FOXP4: variants seen among roughly 807,000 people sequenced by gnomAD.
FOXP4 encodes the protein forkhead box protein P4.
FOXP4 carries 25 observed loss-of-function variants against 82.6 expected under a neutral mutation model. That is an observed-to-expected ratio of 0.30 (90% confidence interval 0.22 to 0.42). FOXP4 has a LOEUF of 0.42. Among genes scored for constraint, FOXP4 ranks in the 10% least tolerant of loss-of-function variants. The pLI is 1.00. For synonymous variants in FOXP4, 415 were observed against 388.2 expected (o/e 1.07, Z -0.81); for missense variants, 785 against 900.9 (o/e 0.87, Z 1.65).
Position 41,587,483 on chromosome 6 carries a change from GC to G in FOXP4, c.845del (p.Pro282LeufsTer85). 1 of 1,531,332 alleles carries G rather than the reference GC, an allele frequency of 6.5e-7. No individual in the cohort carries two copies. Among genetic ancestry groups the G allele is most frequent in the Non-Finnish European group, 8.8e-7 (1 of 1,139,556 alleles). 94.9% of individuals were successfully genotyped at this position (1,531,332 alleles called of 1,614,324 possible). A position where few individuals can be genotyped will look rare whatever the true frequency, so the allele number is the denominator to read the frequency against. On this transcript the variant is annotated frameshift_variant, in exon 7 of 17. Coordinates refer to ENST00000307972, the MANE Select transcript of FOXP4 (RefSeq NM_001012426.2). LOFTEE classifies it high-confidence loss of function. ...CCCACCATACCCTGCCCAACGGACA[GC>G]CTACTGTGCTCACATCTCGGAGAGA... ...LSHHTLPNGQ[P>X]TVLTSRRDSS...
chr6:41,589,875 C>T lies in FOXP4; in HGVS notation c.1149+21C>T, dbSNP rs370391997. ...AGCCAGTGAGTGCTGCTCCCCTCCC[C>T]GCCCCTCCCAGAGCCTTCCACAGAC... On this transcript the variant is annotated intron_variant, in intron 10 of 16. Transcript: ENST00000307972. 6.0e-5 allele frequency: 96 copies of T among 1,610,856 alleles called. 1 individual carries two copies. Among genetic ancestry groups the T allele is most frequent in the Middle Eastern group, 1.7e-4 (1 of 6,056 alleles).
At chr6:41,582,709 C>G (rs1765868907) in intron 3 of FOXP4, among the ~76,000 whole-genome samples, 1 of 137,716 alleles carries the variant, frequency 7.3e-6, no homozygotes. Context: ...ATGCCGTTGT[C>G]TGCCTCCAAC....
rs536114378 is a variant in FOXP4, at chr6:41,593,554, C to T, written c.1537-1316C>T. Among the ~76,000 whole-genome samples the T allele has an allele frequency of 8.5e-5, 13 of 152,318 alleles. No homozygotes were observed. Among genetic ancestry groups the T allele is most frequent in the African/African-American group, 2.4e-4 (10 of 41,568 alleles). On this transcript the variant is annotated intron_variant, in intron 13 of 16. Transcript: ENST00000307972. The surrounding 1 kb of genome is among the most constrained non-coding windows in gnomAD (Gnocchi z 4.1). The stretch of plus-strand genomic sequence containing the variant: ...GCTTCGAAATGAGGGAAAAAAGCCC[C>T]GGTGAGGCCATCCTCGGAAATTGGG...
At chr6:41,589,661 T>G in intron 9 of FOXP4, 110 bp from the exon 10 acceptor site, 2 of 1,100,926 alleles carry the variant, frequency 1.8e-6, no homozygotes, top group African/African-American at 1.5e-5. Flanking sequence ...AGGAGGCGAA[T>G]GGGGGTGGGA....
chr6:41,583,619 T>C (rs753051791), intron 3 of FOXP4, among the ~76,000 whole-genome samples: 4 of 152,072 alleles, frequency 2.6e-5, no homozygotes, highest in Admixed American at 2.0e-4. Context: ...TGCCACAACT[T>C]GGGAGTGAGA....
At chr6:41,561,622 G>A (rs994197946) in intron 1 of FOXP4, among the ~76,000 whole-genome samples, 1 of 152,024 alleles carries the variant, frequency 6.6e-6, no homozygotes, top group African/African-American at 2.4e-5. Flanking sequence ...AAGAAAGGAG[G>A]ACCTCTTGGA....
chr6:41,587,566 G>C, intron 7 of FOXP4, 54 bp downstream of exon 7: 1 of 1,396,064 alleles, frequency 7.2e-7, no homozygotes, highest in Non-Finnish European at 9.8e-7. Context: ...GGGTAGACCT[G>C]GCCCCCCACC....
chr6:41,585,658 T>G (rs947886089), intron 5 of FOXP4, 141 bp downstream of exon 5: 7 of 713,140 alleles, frequency 9.8e-6, no homozygotes, highest in Non-Finnish European at 1.4e-5. Context: ...AGGATCAGTG[T>G]GGGGGAAATG....
Position 41,599,897 on chromosome 6 carries a change from C to G in FOXP4, c.*961C>G, listed in dbSNP as rs1404556223. 1.3e-5 allele frequency: 2 copies of G among 152,602 alleles called. No homozygotes were observed. The highest frequency in any genetic ancestry group is 4.8e-5 in the African/African-American group (2 of 41,418). The allele number at this position is 152,602 out of a possible 1,614,324, so 9.5% of individuals were successfully genotyped here. ...AGCTCCCCTTCCTTGCCCGCCTCTC[C>G]CCCCGCCGCCCCACCAGTTAAACGG... On this transcript the variant is annotated 3_prime_UTR_variant, in exon 17 of 17. Coordinates refer to ENST00000307972, the MANE Select transcript of FOXP4 (RefSeq NM_001012426.2).
At chr6:41,588,577 G>C in intron 8 of FOXP4, 67 bp from the exon 9 acceptor site, 1 of 1,473,952 alleles carries the variant, frequency 6.8e-7, no homozygotes, top group Non-Finnish European at 9.5e-7. Flanking sequence ...TTAGAGGATA[G>C]GATGGGAGGA....
At chr6:41,555,934 CTCTT>C (rs1764250432) in intron 1 of FOXP4, among the ~76,000 whole-genome samples, 1 of 152,088 alleles carries the variant, frequency 6.6e-6, no homozygotes, top group Admixed American at 6.5e-5. Flanking sequence ...ATCTTTGGTT[CTCTT>C]TCTTTTTTTC....
intron 3 of FOXP4, 32 bp downstream of exon 3, chr6:41,578,113 TTGGG>T: frequency 6.3e-7 from 1 of 1,592,036 alleles, no homozygotes; most frequent in Non-Finnish European, 8.6e-7. Flanking sequence ...TGGCTCTGGG[TTGGG>T]CTGGAGTGTG....
intron 2 of FOXP4, among the ~76,000 whole-genome samples, chr6:41,568,130 C>T (rs892636653): frequency 2.0e-5 from 3 of 152,200 alleles, no homozygotes; most frequent in African/African-American, 4.8e-5. Flanking sequence ...TGGTCCCCAA[C>T]AACAAATGTT....
chr6:41,589,794 G>A lies in FOXP4; in HGVS notation c.1089G>A (p.Leu363=). Residue 363 remains leucine (L), a synonymous_variant, in exon 10 of 17, where the codon CTG becomes CTA. Transcript: ENST00000307972. ...AGCTCGCCAAGGAGAGCGAGCGGCT[G>A]CAGGCCATGATGGCCCACCTGCACA... is the stretch of plus-strand genomic sequence containing the variant. ...EIQLAKESER[L]QAMMAHLHMR... The A allele has an allele frequency of 1.2e-6, 2 of 1,611,186 alleles. No homozygotes were observed. Among genetic ancestry groups the A allele is most frequent in the African/African-American group, 2.7e-5 (2 of 75,022 alleles).
At chr6:41,584,737 AG>A in intron 3 of FOXP4, 31 bp from the exon 4 acceptor site, 1 of 1,552,064 alleles carries the variant, frequency 6.4e-7, no homozygotes, top group Non-Finnish European at 8.7e-7. Flanking sequence ...GTTGGGGTCC[AG>A]GGGACAGGGC....
At chr6:41,550,438 GTAT>G (rs1347042354) in intron 1 of FOXP4, among the ~76,000 whole-genome samples, 2 of 152,136 alleles carry the variant, frequency 1.3e-5, no homozygotes, top group African/African-American at 4.8e-5. Context: ...AAATACTGAA[GTAT>G]TAATCTTCAT....
At chr6:41,569,327 C>T (rs778013185) in intron 2 of FOXP4, among the ~76,000 whole-genome samples, 13 of 152,362 alleles carry the variant, frequency 8.5e-5, no homozygotes, top group Admixed American at 1.3e-4. Flanking sequence ...AGACCATAGA[C>T]ACACCCGTGG....
At chr6:41,547,103 C>T (rs1357293860) in intron 1 of FOXP4, among the ~76,000 whole-genome samples, 1 of 151,726 alleles carries the variant, frequency 6.6e-6, no homozygotes, top group Admixed American at 6.6e-5. Context: ...CATTCCGCCC[C>T]TGGCCCGGGC....
intron 1 of FOXP4, among the ~76,000 whole-genome samples, chr6:41,564,585 A>G (rs1320587767): frequency 6.6e-6 from 1 of 152,144 alleles, no homozygotes; most frequent in East Asian, 1.9e-4. Context: ...CTTGAGAGGC[A>G]TTTCTGGGGT....
Sources: allele counts gnomAD v4.1 joint callset (sites outside exome capture counted in the v4.1 genomes callset), GRCh38; gene constraint gnomAD v4.1.1; non-coding constraint Gnocchi (gnomAD v3.1); transcripts MANE v1.5; gene names NCBI Gene and HGNC (gene_info 2026-07-23, HGNC 2026-07-21).